Variants in COLQ observed in about 807,000 individuals in gnomAD.
COLQ encodes the protein acetylcholinesterase collagenic tail peptide.
A neutral mutation model predicts 69.0 loss-of-function variants in COLQ; 48 were observed. The observed-to-expected ratio is 0.70, with a 90% CI of 0.55 to 0.88. COLQ has a LOEUF of 0.88. Among genes scored for constraint, COLQ ranks in the 40% least tolerant of loss-of-function variants. The pLI, the probability that COLQ is intolerant of heterozygous loss-of-function variation, is 0.00. For missense variants in COLQ, 618 were observed against 594.6 expected (o/e 1.04, Z -0.41); for synonymous variants, 217 against 211.2 (o/e 1.03, Z -0.24).
intron 1 of COLQ, among the ~76,000 whole-genome samples, chr3:15,519,109 A>T (rs2063101421): frequency 6.6e-6 from 1 of 152,010 alleles, no homozygotes; most frequent in Non-Finnish European, 1.5e-5. Context: ...AGGGGGGCAA[A>T]GCCAAGTGAC....
chr3:15,521,482 G>T (rs762932110), intron 1 of COLQ, 38 bp downstream of exon 1: 17 of 1,613,238 alleles, frequency 1.1e-5, no homozygotes, highest in Non-Finnish European at 1.0e-5. Flanking sequence ...CCTGTCCCCT[G>T]ACAGATGGAA....
At chr3:15,486,876 C>T (rs2062583788) in intron 3 of COLQ, among the ~76,000 whole-genome samples, 1 of 152,184 alleles carries the variant, frequency 6.6e-6, no homozygotes, top group South Asian at 2.1e-4. Flanking sequence ...GCTACATTGT[C>T]AATATCTTAG....
intron 15 of COLQ, among the ~76,000 whole-genome samples, chr3:15,454,970 C>T (rs1051291197): frequency 1.3e-5 from 2 of 152,068 alleles, no homozygotes; most frequent in South Asian, 2.1e-4. Flanking sequence ...CCAGCCTCCC[C>T]TGAGCTTCTT....
At chr3:15,471,275 C>A (rs75789960) in intron 10 of COLQ, among the ~76,000 whole-genome samples, 1 of 152,294 alleles carries the variant, frequency 6.6e-6, no homozygotes, top group African/African-American at 2.4e-5. Context: ...TTGAAAAAGG[C>A]ATGGAGAACA....
chr3:15,486,758 C>T (rs116124377), intron 3 of COLQ, among the ~76,000 whole-genome samples: 4,716 of 152,252 alleles, frequency 0.031, 96 homozygotes, highest in Middle Eastern at 0.051. Flanking sequence ...TTACGGAGAA[C>T]CTATACCAAC....
At position 15,489,605 on chromosome 3, in the gene COLQ, C is replaced by T; in HGVS notation, c.139G>A (p.Gly47Ser). ...GTCAGCAGGCAGCATGCTTTGTGGC[C>T]ACCACGCTTCTTCTGATCCAGGCTG... ...LPSLDQKKRG[G>S]HKACCLLTPP... Residue 47 changes from glycine to serine, a missense_variant, in exon 2 of 17, where the codon GGC becomes AGC. Transcript: ENST00000383788. 1.2e-6 allele frequency: 2 copies of T among 1,614,168 alleles called. No homozygotes were observed. The highest frequency in any genetic ancestry group is 1.7e-6 in the Non-Finnish European group (2 of 1,180,018).
At chr3:15,487,813 C>T (rs1033387809) in intron 3 of COLQ, among the ~76,000 whole-genome samples, 2 of 152,176 alleles carry the variant, frequency 1.3e-5, no homozygotes, top group Admixed American at 1.3e-4. Flanking sequence ...TCTGCACCTC[C>T]ACTTTCCTGT....
At chr3:15,480,760 G>C (rs1220321875) in intron 3 of COLQ, among the ~76,000 whole-genome samples, 2 of 152,192 alleles carry the variant, frequency 1.3e-5, no homozygotes, top group African/African-American at 4.8e-5. Flanking sequence ...TCACCATACT[G>C]TCTTCCACAA....
intron 3 of COLQ, among the ~76,000 whole-genome samples, chr3:15,482,722 C>T (rs4371500): frequency 0.76 from 115,734 of 152,116 alleles, 44,215 homozygotes; most frequent in East Asian, 0.94. Context: ...ATGCTGGCCT[C>T]ATAAAATGAG....
At chr3:15,481,714 T>C (rs547442472) in intron 3 of COLQ, among the ~76,000 whole-genome samples, 4 of 152,356 alleles carry the variant, frequency 2.6e-5, no homozygotes, top group South Asian at 2.1e-4. Context: ...TTTGGTTCCA[T>C]ATGAAGTTTA....
intron 1 of COLQ, among the ~76,000 whole-genome samples, chr3:15,493,288 A>G (rs188307738): frequency 2.6e-5 from 4 of 152,344 alleles, no homozygotes; most frequent in Admixed American, 2.6e-4. Flanking sequence ...ATTCAGGGCT[A>G]CTTGGATTGT....
At chr3:15,494,814 A>C (rs76214503) in intron 1 of COLQ, among the ~76,000 whole-genome samples, 6,195 of 152,246 alleles carry the variant, frequency 0.041, 292 homozygotes, top group Admixed American at 0.14. Context: ...TTTTATCCCC[A>C]GGGTCTAGCA....
Position 15,451,649 on chromosome 3 carries a change from T to G in COLQ, c.1363A>C (p.Thr455Pro), listed in dbSNP as rs1224626467. The change falls in exon 17 of 17, where the codon ACC becomes CCC. Residue 455 changes from threonine to proline, a missense_variant. Physicochemically the swap from Thr to Pro is conservative, Grantham distance 38. Transcript: ENST00000383788. ...YIDSTPCRYFT is the reference protein window; with the variant it reads ...YIDSTPCRYFP ...CCACCTTCTCCTCACGGCCCTCAGG[T>G]GAAGTAGCGGCAGGGCGTGGAGTCG... The G allele has an allele frequency of 1.2e-6, 2 of 1,614,044 alleles. No individual in the cohort carries two copies. Among genetic ancestry groups the G allele is most frequent in the African/African-American group, 2.7e-5 (2 of 74,920 alleles).
In COLQ at chr3:15,473,718, G is replaced by A. The variant is rs2062328570; in HGVS notation, c.636+282C>T. On this transcript the variant is annotated intron_variant, in intron 10 of 16. Transcript: ENST00000383788. This position sits in a 1 kb window ranked among gnomAD's most constrained non-coding sequence, Gnocchi z 4.0. ...TGAATAGGACCACAGCCCTCTAAGA[G>A]GTAGGAAAAGCAAAAAAGCAAAAAA... 1.3e-5 allele frequency among the ~76,000 whole-genome samples: 2 copies of A among 152,006 alleles called. No homozygotes were observed. Among genetic ancestry groups the A allele is most frequent in the African/African-American group, 4.8e-5 (2 of 41,372 alleles).
Position 15,460,676 on chromosome 3 carries a change from T to C in COLQ, c.815-2351A>G, listed in dbSNP as rs529802366. On this transcript the variant is annotated intron_variant, in intron 12 of 16. Coordinates refer to ENST00000383788, the MANE Select transcript of COLQ (RefSeq NM_005677.4). ...GCTGACAGCATGAGGGGAAGGGCAC[T>C]GTGCCAATATCTTATCCTAAGTTAT... 3.9e-5 allele frequency among the ~76,000 whole-genome samples: 6 copies of C among 152,348 alleles called. No individual in the cohort carries two copies. The South Asian group carries it at 8.3e-4, about 21-fold the overall frequency.
In COLQ at chr3:15,488,163, C is replaced by G. The variant is rs778069723; in HGVS notation, c.321+43G>C. 3.5e-6 allele frequency: 5 copies of G among 1,447,794 alleles called. No individual in the cohort carries two copies. In the South Asian group the frequency reaches 4.6e-5, roughly 13 times the overall value. 89.7% of individuals were successfully genotyped at this position (1,447,794 alleles called of 1,614,324 possible). ...GCTCTGTGCAGTGGGCTTTCCTGCT[C>G]TAAACAGAAGACAGCGAGAGGGGTC... On this transcript the variant is annotated intron_variant, in intron 3 of 16. Coordinates refer to ENST00000383788, the MANE Select transcript of COLQ (RefSeq NM_005677.4).
chr3:15,473,495 A>G lies in COLQ; in HGVS notation c.636+505T>C, dbSNP rs2062325873. On this transcript the variant is annotated intron_variant, in intron 10 of 16. Transcript: ENST00000383788. This position sits in a 1 kb window ranked among gnomAD's most constrained non-coding sequence, Gnocchi z 4.0. ...TTTAAATACAAAATTTAACTCTTAA[A>G]CAATGTTAGCAGTCTTCAGTTCAAA... Among the ~76,000 whole-genome samples the G allele has an allele frequency of 6.6e-6, 1 of 152,144 alleles. No individual in the cohort carries two copies. Among genetic ancestry groups the G allele is most frequent in the South Asian group, 2.1e-4 (1 of 4,832 alleles).
At chr3:15,508,683 G>A (rs1239982135) in intron 1 of COLQ, among the ~76,000 whole-genome samples, 2 of 152,104 alleles carry the variant, frequency 1.3e-5, no homozygotes, top group Non-Finnish European at 2.9e-5. Context: ...CCTCCTAGGA[G>A]CAGTGGATGA....
intron 1 of COLQ, among the ~76,000 whole-genome samples, chr3:15,521,058 A>G (rs533440153): frequency 4.4e-4 from 66 of 150,496 alleles, no homozygotes; most frequent in African/African-American, 1.6e-3. Context: ...CCTTCGAGGG[A>G]CTATTGTGGC....
Sources: allele counts gnomAD v4.1 joint callset (sites outside exome capture counted in the v4.1 genomes callset), GRCh38; gene constraint gnomAD v4.1.1; non-coding constraint Gnocchi (gnomAD v3.1); transcripts MANE v1.5; gene names NCBI Gene and HGNC (gene_info 2026-07-23, HGNC 2026-07-21).